The following PROSER2 variants were observed in gnomAD, a reference collection of about 807,000 sequenced individuals.
PROSER2 encodes the protein proline and serine-rich protein 2.
A neutral mutation model predicts 14.6 loss-of-function variants in PROSER2; 18 were observed. The ratio of observed to expected loss-of-function variants is 1.23; its 90% confidence interval spans 0.85 to 1.83. The LOEUF (loss-of-function observed/expected upper bound fraction) is 1.83. Ranked by LOEUF, PROSER2 falls within the 40% of genes most tolerant of loss-of-function variation. PROSER2 has a pLI of 0.00. For missense variants in PROSER2, 823 were observed against 629.8 expected (o/e 1.31, Z -3.28); for synonymous variants, 367 against 286.4 (o/e 1.28, Z -2.84).
chr10:11,869,514 A>C lies in PROSER2; in HGVS notation c.416A>C (p.His139Pro). The change falls in exon 4 of 4, where the codon CAC (histidine) becomes CCC (proline). Residue 139 changes from histidine (H) to proline (P), a missense_variant. His to Pro is a moderately conservative substitution (Grantham distance 77). Coordinates refer to ENST00000277570, the MANE Select transcript of PROSER2 (RefSeq NM_153256.4). The surrounding 1 kb of genome is among the most constrained non-coding windows in gnomAD (Gnocchi z 4.4). Reference protein sequence around the residue: ...AAGPAPAGKEHRKQDAETPPP... With the variant: ...AAGPAPAGKEPRKQDAETPPP... ...GGGCCTGCACCTGCTGGGAAGGAGC[A>C]CAGGAAACAAGATGCTGAGACTCCT... 1.9e-6 allele frequency: 3 copies of C among 1,613,700 alleles called. No individual in the cohort carries two copies. The highest frequency in any genetic ancestry group is 2.5e-6 in the Non-Finnish European group (3 of 1,179,776).
At chr10:11,855,875 T>C (rs1009733580) in intron 2 of PROSER2, among the ~76,000 whole-genome samples, 7 of 152,394 alleles carry the variant, frequency 4.6e-5, no homozygotes, top group African/African-American at 1.7e-4. Flanking sequence ...TGACTGAGGC[T>C]GTTCTAAGAG....
chr10:11,861,602 A>G lies in PROSER2; in HGVS notation c.139-4929A>G, dbSNP rs533065449. 2.5e-3 allele frequency among the ~76,000 whole-genome samples: 385 copies of G among 152,312 alleles called. 2 individuals are homozygous for G. The highest frequency in any genetic ancestry group is 8.7e-3 in the African/African-American group (360 of 41,562). On this transcript the variant is annotated intron_variant, in intron 2 of 3. Coordinates refer to ENST00000277570, the MANE Select transcript of PROSER2 (RefSeq NM_153256.4). ...CTTAGAAGCCGACATAGGAAGAGCC[A>G]GTGATGGACTTGAGCAGGGAGCAAG...
chr10:11,828,290 ACT>A (rs1438170911), intron 1 of PROSER2, among the ~76,000 whole-genome samples: 2 of 139,314 alleles, frequency 1.4e-5, no homozygotes, highest in Admixed American at 7.5e-5. Context: ...ACTTAAAGGA[ACT>A]CTCTGTGTGA....
rs764270438 is a variant in PROSER2 at position 11,869,539 on chromosome 10, T to C, written c.441T>C (p.Pro147=). 5 of 1,613,670 alleles carry C rather than the reference T, an allele frequency of 3.1e-6. No homozygotes were observed. The highest frequency in any genetic ancestry group is 3.4e-6 in the Non-Finnish European group (4 of 1,179,742). Residue 147 remains proline (P), a synonymous_variant, in exon 4 of 4, where the codon CCT becomes CCC. Transcript: ENST00000277570. The surrounding 1 kb of genome is among the most constrained non-coding windows in gnomAD (Gnocchi z 4.4). ...ACAGGAAACAAGATGCTGAGACTCCTCCACCTCCAGACCCCCCGGCTCCCG... is the reference window on the plus strand; with the variant it reads ...ACAGGAAACAAGATGCTGAGACTCCCCCACCTCCAGACCCCCCGGCTCCCG... ...KEHRKQDAET[P]PPPDPPAPET...
In PROSER2 at chr10:11,870,414, G is replaced by A. The variant is rs1480575243; in HGVS notation, c.*8G>A. On this transcript the variant is annotated 3_prime_UTR_variant, in exon 4 of 4. Transcript: ENST00000277570. The stretch of plus-strand genomic sequence containing the variant: ...CTCAGGGAGAGTTCGTGAGGGCCGC[G>A]CGGGCTCCAGTCCACCCCGTTTCTC... 2.2e-5 allele frequency: 33 copies of A among 1,478,434 alleles called. No homozygotes were observed. The highest frequency in any genetic ancestry group is 4.4e-5 in the African/African-American group (3 of 67,596). The allele number at this position is 1,478,434 out of a possible 1,614,324, so 91.6% of individuals were successfully genotyped here.
At chr10:11,845,654 AGGGAGGGAGCTGTGGAACCCG>A (rs763163332) in intron 1 of PROSER2, among the ~76,000 whole-genome samples, 89 of 152,258 alleles carry the variant, frequency 5.8e-4, no homozygotes, top group Non-Finnish European at 1.1e-3. Context: ...CCTCGGGGAA[AGGGAGGGAGCTGTGGAACCCG>A]GGGAGGGAGC....
intron 2 of PROSER2, among the ~76,000 whole-genome samples, chr10:11,857,743 TAAAAAAAAAA>T (rs374000135): frequency 1.1e-4 from 12 of 106,548 alleles, no homozygotes; most frequent in Non-Finnish European, 1.6e-4. Flanking sequence ...AGACCCCATC[TAAAAAAAAAA>T]AAAAAAAAAA....
At position 11,870,445 on chromosome 10, in the gene PROSER2, C is replaced by T; in HGVS notation, c.*39C>T. Reference sequence around the variant, plus strand: ...TCCAGTCCACCCCGTTTCTCCCCACCCTGAAGAGAGGGTGAAAGAGTCGCT... The same window carrying T: ...TCCAGTCCACCCCGTTTCTCCCCACTCTGAAGAGAGGGTGAAAGAGTCGCT... On this transcript the variant is annotated 3_prime_UTR_variant, in exon 4 of 4. Transcript: ENST00000277570. 1 of 1,404,964 alleles carries T rather than the reference C, an allele frequency of 7.1e-7. No individual in the cohort carries two copies. The highest frequency in any genetic ancestry group is 9.3e-7 in the Non-Finnish European group (1 of 1,074,398). The allele number at this position is 1,404,964 out of a possible 1,614,324, so 87.0% of individuals were successfully genotyped here.
chr10:11,827,493 C>T (rs1374758001), intron 1 of PROSER2, among the ~76,000 whole-genome samples: 5 of 152,074 alleles, frequency 3.3e-5, no homozygotes, highest in Non-Finnish European at 5.9e-5. Context: ...TTTTAGGCTG[C>T]TGCTGCTTCT....
At chr10:11,835,883 C>T (rs1277085837) in intron 1 of PROSER2, among the ~76,000 whole-genome samples, 2 of 152,100 alleles carry the variant, frequency 1.3e-5, no homozygotes, top group Non-Finnish European at 2.9e-5. Flanking sequence ...TATGAAGAAG[C>T]CCACTCATGG....
intron 2 of PROSER2, among the ~76,000 whole-genome samples, chr10:11,864,084 C>G (rs1377479066): frequency 6.6e-6 from 1 of 152,178 alleles, no homozygotes; most frequent in African/African-American, 2.4e-5. Flanking sequence ...CCTGACTACC[C>G]TGCAGAGGCT....
chr10:11,840,267 A>T (rs199855676), intron 1 of PROSER2, among the ~76,000 whole-genome samples: 7 of 23,674 alleles, frequency 3.0e-4, no homozygotes, highest in African/African-American at 7.8e-4. Flanking sequence ...TGTTGTCATT[A>T]AAAAAAAAAA....
Position 11,856,307 on chromosome 10 carries a change from A to G in PROSER2, c.138+4092A>G, listed in dbSNP as rs1043045076. 2.6e-5 allele frequency among the ~76,000 whole-genome samples: 4 copies of G among 152,182 alleles called. No homozygotes were observed. The highest frequency in any genetic ancestry group is 9.7e-5 in the African/African-American group (4 of 41,448). On this transcript the variant is annotated intron_variant, in intron 2 of 3. Coordinates refer to ENST00000277570, the MANE Select transcript of PROSER2 (RefSeq NM_153256.4). This position sits in a 1 kb window ranked among gnomAD's most constrained non-coding sequence, Gnocchi z 5.3. The stretch of plus-strand genomic sequence containing the variant: ...TCTCCAGGGCTCACCTCGTCTCACA[A>G]AACCCCCTGGGTGCACGGCGAGGGC...
intron 2 of PROSER2, among the ~76,000 whole-genome samples, chr10:11,863,205 A>G (rs1312395211): frequency 6.6e-6 from 1 of 152,170 alleles, no homozygotes; most frequent in Non-Finnish European, 1.5e-5. Flanking sequence ...CCCCAAAACA[A>G]CAGTGTACTA....
intron 1 of PROSER2, among the ~76,000 whole-genome samples, chr10:11,833,645 C>T (rs909516957): frequency 6.6e-6 from 1 of 152,068 alleles, no homozygotes; most frequent in African/African-American, 2.4e-5. Context: ...GAGCCGAGAT[C>T]ATGCCATTGC....
At chr10:11,852,243 T>G in intron 2 of PROSER2, 28 bp downstream of exon 2, 1 of 1,587,060 alleles carries the variant, frequency 6.3e-7, no homozygotes, top group Non-Finnish European at 8.6e-7. Context: ...TTTCATGCTT[T>G]CCTGTGCCTG....
chr10:11,855,150 T>TG (rs1222888008), intron 2 of PROSER2, among the ~76,000 whole-genome samples: 2 of 151,190 alleles, frequency 1.3e-5, no homozygotes, highest in African/African-American at 4.8e-5. Flanking sequence ...GTTTTTTGTT[T>TG]TTTTTTTTTT....
chr10:11,826,905 C>G (rs952568167), intron 1 of PROSER2, among the ~76,000 whole-genome samples: 3 of 111,356 alleles, frequency 2.7e-5, no homozygotes, highest in Non-Finnish European at 3.5e-5. Context: ...TTTCCTCTGA[C>G]ATAGGATTTC....
chr10:11,845,757 C>T (rs769903242), intron 1 of PROSER2, among the ~76,000 whole-genome samples: 16 of 152,068 alleles, frequency 1.1e-4, no homozygotes, highest in African/African-American at 1.4e-4. Context: ...GCCTGCCTTG[C>T]GTGCTGGGGT....
Sources: allele counts gnomAD v4.1 joint callset (sites outside exome capture counted in the v4.1 genomes callset), GRCh38; gene constraint gnomAD v4.1.1; non-coding constraint Gnocchi (gnomAD v3.1); transcripts MANE v1.5; gene names NCBI Gene and HGNC (gene_info 2026-07-23, HGNC 2026-07-21).